The following PRRC2B variants were observed in gnomAD, a reference collection of about 807,000 sequenced individuals.
PRRC2B encodes the protein proline rich coiled-coil 2B.
In PRRC2B, 68 loss-of-function variants were observed where a neutral mutation model predicts 242.3. That is an observed-to-expected ratio of 0.28 (90% CI 0.23 to 0.34). The LOEUF (loss-of-function observed/expected upper bound fraction) is 0.34, where lower values mean the gene tolerates loss of function less well. Among genes scored for constraint, PRRC2B ranks in the 10% least tolerant of loss-of-function variants. PRRC2B has a pLI of 1.00. For missense variants in PRRC2B, 2,835 were observed against 2,954.8 expected (o/e 0.96, Z 0.94); for synonymous variants, 1,228 against 1,173.6 (o/e 1.05, Z -0.95).
chr9:131,409,573 A>G (rs566541935), intron 1 of PRRC2B, among the ~76,000 whole-genome samples: 2 of 152,306 alleles, frequency 1.3e-5, no homozygotes, highest in Admixed American at 1.3e-4. Context: ...ACTCGCATGC[A>G]TTTCAGTACA....
At position 131,476,030 on chromosome 9, in the gene PRRC2B, A is replaced by G; in HGVS notation, c.3901A>G (p.Arg1301Gly). 1 of 1,606,082 alleles carries G rather than the reference A, an allele frequency of 6.2e-7. No homozygotes were observed. The highest frequency in any genetic ancestry group is 8.5e-7 in the Non-Finnish European group (1 of 1,174,630). ...AAATGCAGAGAACCGGCCCTTCAGG[A>G]GAAGGCGCCCCCCACGCCAAGATAA... ...SENAENRPFR[R>G]RRPPRQDKPP... Residue 1301 changes from arginine (R) to glycine (G), a missense_variant, in exon 16 of 32, where the codon AGA becomes GGA. Physicochemically the swap from Arg to Gly is moderately radical, Grantham distance 125 (BLOSUM62 -2). Around this residue, in one of 7 missense-constraint regions of PRRC2B, gnomAD observed 1,536 missense variants for 1,483.1 expected, o/e 1.04. Coordinates refer to ENST00000683519, the MANE Select transcript of PRRC2B (RefSeq NM_013318.4).
chr9:131,395,792 A>G (rs2131275496), intron 1 of PRRC2B, among the ~76,000 whole-genome samples: 1 of 152,348 alleles, frequency 6.6e-6, no homozygotes, highest in South Asian at 2.1e-4. Flanking sequence ...CTCGGGAGGC[A>G]GGGATGGGAA....
chr9:131,415,677 C>G (rs1837628345), intron 1 of PRRC2B, among the ~76,000 whole-genome samples: 1 of 152,204 alleles, frequency 6.6e-6, no homozygotes, highest in African/African-American at 2.4e-5. Context: ...GATGGTGATA[C>G]TGGTAAGAAG....
intron 31 of PRRC2B, among the ~76,000 whole-genome samples, chr9:131,495,477 G>A (rs931946805): frequency 2.0e-5 from 3 of 152,138 alleles, no homozygotes; most frequent in Non-Finnish European, 4.4e-5. Context: ...GTGCCATCGC[G>A]GAATTCTTTG....
At chr9:131,495,190 G>A (rs1001583254) in intron 31 of PRRC2B, among the ~76,000 whole-genome samples, 3 of 152,214 alleles carry the variant, frequency 2.0e-5, no homozygotes, top group Admixed American at 6.5e-5. Flanking sequence ...CCCACTCCCC[G>A]TGTAGAGCCA....
At chr9:131,417,574 G>A (rs561981332) in intron 1 of PRRC2B, among the ~76,000 whole-genome samples, 76 of 152,190 alleles carry the variant, frequency 5.0e-4, no homozygotes, top group African/African-American at 1.7e-3. Flanking sequence ...CTCATGTTGT[G>A]GCATCTTTCA....
chr9:131,443,427 C>T (rs1256913537), intron 5 of PRRC2B, among the ~76,000 whole-genome samples: 3 of 150,576 alleles, frequency 2.0e-5, no homozygotes, highest in African/African-American at 4.9e-5. Context: ...TGAGCCACCA[C>T]GCCTGGCCTA....
chr9:131,375,981 G>A (rs925962503), intron 1 of PRRC2B, among the ~76,000 whole-genome samples: 19 of 151,180 alleles, frequency 1.3e-4, no homozygotes, highest in African/African-American at 4.1e-4. Flanking sequence ...CCCAGGAGGC[G>A]GAGGTTGCGG....
rs1386798793 is a variant in PRRC2B at position 131,394,118 on chromosome 9, C to G, written c.-197C>G. On this transcript the variant is annotated 5_prime_UTR_variant, in exon 1 of 32. Coordinates refer to ENST00000683519, the MANE Select transcript of PRRC2B (RefSeq NM_013318.4). ...GCGCCGAGGCTCCACCGCGCAGCGA[C>G]GAGCGAGCCCGGGAGGAGGGAGGGA... 1 of 149,338 alleles carries G rather than the reference C, an allele frequency of 6.7e-6. No homozygotes were observed. Among genetic ancestry groups the G allele is most frequent in the African/African-American group, 2.4e-5 (1 of 40,994 alleles). The allele number at this position is 149,338 out of a possible 1,614,324, so 9.3% of individuals were successfully genotyped here.
At chr9:131,491,220 C>T (rs1197093310) in intron 28 of PRRC2B, 5 of 516,842 alleles carry the variant, frequency 9.7e-6, no homozygotes, top group South Asian at 3.4e-5. Flanking sequence ...AGCAAGAAGA[C>T]GTGCCTCTGC....
chr9:131,461,005 G>T (rs941128959), intron 11 of PRRC2B, among the ~76,000 whole-genome samples: 2 of 152,124 alleles, frequency 1.3e-5, no homozygotes, highest in African/African-American at 4.8e-5. Flanking sequence ...TATTATTTCT[G>T]TACCTGTCCA....
chr9:131,444,448 C>A (rs1588254752), intron 6 of PRRC2B, 120 bp downstream of exon 6: 1 of 46,314 alleles, frequency 2.2e-5, no homozygotes, highest in South Asian at 1.3e-3. Context: ...GGAAACGTGG[C>A]TCTTTGACTC....
chr9:131,454,730 C>T (rs1022335346), intron 9 of PRRC2B, among the ~76,000 whole-genome samples: 8 of 151,760 alleles, frequency 5.3e-5, no homozygotes, highest in Non-Finnish European at 1.0e-4. Flanking sequence ...CTGCCTCCTG[C>T]GTTCAAGCGA....
At chr9:131,479,203 T>C in intron 18 of PRRC2B, 49 bp from the exon 19 acceptor site, 1 of 1,588,422 alleles carries the variant, frequency 6.3e-7, no homozygotes, top group Non-Finnish European at 8.6e-7. Context: ...GGAGAATTTG[T>C]CAGTCTTGGT....
In PRRC2B at chr9:131,464,217, C is replaced by T. The variant is rs1036171377; in HGVS notation, c.1405-546C>T. On this transcript the variant is annotated intron_variant, in intron 11 of 31. Transcript: ENST00000683519. Reference sequence around the variant, plus strand: ...TCAGACTCCCAAAGTGCTGGGATTACAGGCGTGAGCCACTGCGCCCAGCCA... The same window carrying T: ...TCAGACTCCCAAAGTGCTGGGATTATAGGCGTGAGCCACTGCGCCCAGCCA... 2.0e-5 allele frequency among the ~76,000 whole-genome samples: 3 copies of T among 152,246 alleles called. No homozygotes were observed. The East Asian group carries it at 5.8e-4, about 29-fold the overall frequency.
rs1366911396 is a variant in PRRC2B at position 131,487,216 on chromosome 9, C to G, written c.5906C>G (p.Ala1969Gly). The change falls in exon 27 of 32, where the codon GCA becomes GGA. Residue 1969 changes from alanine (A) to glycine (G), a missense_variant. This residue lies in a region of PRRC2B where 574 missense variants were observed against 626.0 expected (regional missense o/e 0.92). Transcript: ENST00000683519. This position sits in a 1 kb window ranked among gnomAD's most constrained non-coding sequence, Gnocchi z 5.3. ...ATCTCCCTTCACACATCTCTGCAGGCACAAGCTCAGCTTGGACTGAGGGGT... is the reference window on the plus strand; with the variant it reads ...ATCTCCCTTCACACATCTCTGCAGGGACAAGCTCAGCTTGGACTGAGGGGT... Reference protein sequence around the residue: ...IPISLHTSLQAQAQLGLRGGL... With the variant: ...IPISLHTSLQGQAQLGLRGGL... 1.2e-5 allele frequency: 19 copies of G among 1,613,726 alleles called. No homozygotes were observed. The highest frequency in any genetic ancestry group is 1.6e-5 in the Non-Finnish European group (19 of 1,179,712).
intron 5 of PRRC2B, 81 bp downstream of exon 5, chr9:131,439,142 C>A: frequency 1.7e-6 from 2 of 1,209,694 alleles, no homozygotes; most frequent in Non-Finnish European, 2.4e-6. Context: ...CTGGTTGGGT[C>A]TAGGCACCCA....
intron 1 of PRRC2B, among the ~76,000 whole-genome samples, chr9:131,396,632 C>T (rs1432505191): frequency 1.3e-5 from 2 of 152,154 alleles, no homozygotes; most frequent in African/African-American, 2.4e-5. Context: ...GGTCTTCTTT[C>T]TCTTAATGCT....
chr9:131,498,236 AATTT>A lies in PRRC2B; in HGVS notation c.*2369_*2372del, dbSNP rs1343917413. ...CAAATAAAAAAACAAAAAACACTAG[AATTT>A]ATTTATATGTATTGATGTTGTAGGT... is the stretch of plus-strand genomic sequence containing the variant. On this transcript the variant is annotated 3_prime_UTR_variant, in exon 32 of 32. Transcript: ENST00000683519. The A allele has an allele frequency of 4.6e-5, 7 of 152,136 alleles. No homozygotes were observed. The highest frequency in any genetic ancestry group is 1.2e-4 in the African/African-American group (5 of 41,434). The allele number at this position is 152,136 out of a possible 1,614,324, so 9.4% of individuals were successfully genotyped here.
Sources: allele counts gnomAD v4.1 joint callset (sites outside exome capture counted in the v4.1 genomes callset), GRCh38; gene constraint gnomAD v4.1.1; regional missense constraint gnomAD v4.1.1; non-coding constraint Gnocchi (gnomAD v3.1); transcripts MANE v1.5; gene names NCBI Gene and HGNC (gene_info 2026-07-23, HGNC 2026-07-21).